Variants in SPARCL1 observed in about 807,000 individuals in gnomAD.
SPARCL1 encodes the protein SPARC like 1.
Under a neutral mutation model 67.1 loss-of-function variants are expected in SPARCL1, and 52 were observed. The ratio of observed to expected loss-of-function variants is 0.78; its 90% CI spans 0.62 to 0.98. The LOEUF (loss-of-function observed/expected upper bound fraction) is 0.98. SPARCL1 is among the 50% of genes least tolerant of loss of function. The pLI is 0.00. For synonymous variants in SPARCL1, 226 were observed against 267.8 expected, an observed-to-expected ratio of 0.84 and a Z score of 1.52; for missense variants, 717 against 782.4, an observed-to-expected ratio of 0.92 and a Z score of 1.00.
intron 1 of SPARCL1, among the ~76,000 whole-genome samples, chr4:87,527,478 A>G (rs78464725): frequency 6.6e-6 from 1 of 152,204 alleles, no homozygotes; most frequent in Admixed American, 6.5e-5. Context: ...GTTTAAGTCA[A>G]CTGAGTAAAA....
At chr4:87,520,816 C>T (rs887958979) in intron 1 of SPARCL1, among the ~76,000 whole-genome samples, 1 of 152,190 alleles carries the variant, frequency 6.6e-6, no homozygotes, top group African/African-American at 2.4e-5. Context: ...AGAGATTGAC[C>T]TGAAAGGTAT....
At chr4:87,511,967 C>CTCTTTTTTTT (rs71667858) in intron 1 of SPARCL1, among the ~76,000 whole-genome samples, 1,321 of 121,440 alleles carry the variant, frequency 0.011, 47 homozygotes, top group African/African-American at 0.04. Context: ...CTTTCTTTCT[C>CTCTTTTTTTT]TTTTTTTTTT....
chr4:87,507,342 C>T (rs1461672163), intron 1 of SPARCL1, among the ~76,000 whole-genome samples: 1 of 152,188 alleles, frequency 6.6e-6, no homozygotes, highest in Non-Finnish European at 1.5e-5. Flanking sequence ...TTTAATCTGT[C>T]CGCATGATCT....
At position 87,503,385 on chromosome 4, in the gene SPARCL1, C is replaced by T. The variant is rs186858513; in HGVS notation, c.-11-3800G>A. 1.1e-3 allele frequency among the ~76,000 whole-genome samples: 163 copies of T among 152,292 alleles called. 1 individual carries two copies. Among genetic ancestry groups the T allele is most frequent in the African/African-American group, 3.8e-3 (159 of 41,564 alleles). ...TAAGCTTTCCCTGTTCTAAGTCAGTCTTCCATCTTCTAAAGATGTGTTGAC... is the reference window on the plus strand; with the variant it reads ...TAAGCTTTCCCTGTTCTAAGTCAGTTTTCCATCTTCTAAAGATGTGTTGAC... On this transcript the variant is annotated intron_variant, in intron 1 of 10. Coordinates refer to ENST00000282470, the MANE Select transcript of SPARCL1 (RefSeq NM_004684.6).
intron 2 of SPARCL1, among the ~76,000 whole-genome samples, chr4:87,498,704 TACTTGCTTGG>T (rs1724722910): frequency 1.3e-5 from 2 of 152,338 alleles, no homozygotes; most frequent in South Asian, 2.1e-4. Context: ...ACTTTCAGCA[TACTTGCTTGG>T]ACAGCCTCCC....
intron 1 of SPARCL1, among the ~76,000 whole-genome samples, chr4:87,510,542 G>A (rs1254192150): frequency 1.3e-5 from 2 of 152,164 alleles, no homozygotes; most frequent in Middle Eastern, 3.2e-3. Context: ...AGAAGCGCCT[G>A]GACATAGGAG....
Position 87,479,468 on chromosome 4 carries a change from G to A in SPARCL1, c.1928C>T (p.Thr643Ile). The A allele has an allele frequency of 6.2e-7, 1 of 1,614,006 alleles. No individual in the cohort carries two copies. The highest frequency in any genetic ancestry group is 8.5e-7 in the Non-Finnish European group (1 of 1,180,002). ...ECDPNKDKHITLKEWGHCFGI... is the reference protein window; with the variant it reads ...ECDPNKDKHIILKEWGHCFGI... ...AAAGCAGTGGCCCCACTCCTTCAGG[G>A]TGATGTGCTTATCCTTGTTGGGGTC... Residue 643 changes from threonine to isoleucine, a missense_variant, in exon 10 of 11, where the codon ACC (threonine) becomes ATC (isoleucine). By Grantham distance (89) the Thr-to-Ile change is moderately conservative (BLOSUM62 -1). Coordinates refer to ENST00000282470, the MANE Select transcript of SPARCL1 (RefSeq NM_004684.6).
At chr4:87,488,810 C>G (rs1045504343) in intron 7 of SPARCL1, among the ~76,000 whole-genome samples, 3 of 152,226 alleles carry the variant, frequency 2.0e-5, no homozygotes, top group Non-Finnish European at 2.9e-5. Flanking sequence ...TCTAGAGAGG[C>G]AGTCTAGCTA....
At position 87,494,557 on chromosome 4, in the gene SPARCL1, A is replaced by G. The variant is rs1211429397; in HGVS notation, c.243T>C (p.His81=). The G allele has an allele frequency of 2.5e-6, 4 of 1,611,768 alleles. No homozygotes were observed. The highest frequency in any genetic ancestry group is 8.5e-7 in the Non-Finnish European group (1 of 1,179,492). ...TCTTGCCCTGTTCTGCTGACTGTTC[A>G]TGGCTTTCCTCTTTTGACTTTAGTA... ...SSVLKSKEES[H]EQSAEQGKSS... Residue 81 remains histidine (H), a synonymous_variant, in exon 4 of 11, where the codon CAT becomes CAC. Coordinates refer to ENST00000282470, the MANE Select transcript of SPARCL1 (RefSeq NM_004684.6).
intron 4 of SPARCL1, among the ~76,000 whole-genome samples, chr4:87,492,627 CAG>C (rs1724396913): frequency 6.6e-6 from 1 of 152,068 alleles, no homozygotes; most frequent in Non-Finnish European, 1.5e-5. Flanking sequence ...GTAGTTAAGC[CAG>C]AGTTACATTG....
chr4:87,480,913 G>A (rs1237275326), intron 8 of SPARCL1, among the ~76,000 whole-genome samples: 1 of 148,898 alleles, frequency 6.7e-6, no homozygotes, highest in African/African-American at 2.5e-5. Context: ...TCCTTCCCCC[G>A]ATGACAGAGT....
At chr4:87,515,468 C>A (rs2110258326) in intron 1 of SPARCL1, among the ~76,000 whole-genome samples, 1 of 152,274 alleles carries the variant, frequency 6.6e-6, no homozygotes, top group East Asian at 1.9e-4. Flanking sequence ...ATAATTCAGA[C>A]ACTTTAATTC....
intron 8 of SPARCL1, 104 bp downstream of exon 8, chr4:87,482,320 G>T (rs1723853871): frequency 8.2e-7 from 1 of 1,221,834 alleles, no homozygotes; most frequent in Middle Eastern, 1.9e-4. Context: ...GGGAAGCATA[G>T]TGGGCTTTTG....
At chr4:87,503,702 A>C (rs1462773969) in intron 1 of SPARCL1, among the ~76,000 whole-genome samples, 1 of 143,234 alleles carries the variant, frequency 7.0e-6, no homozygotes, top group Non-Finnish European at 1.5e-5. Flanking sequence ...TTTTTAATAC[A>C]GAGTCTTGCT....
rs184548116 is a variant in SPARCL1, at chr4:87,485,966, A to G, written c.1532-3406T>C. The stretch of plus-strand genomic sequence containing the variant: ...TTGATTCTTCTCTCTTTCCTTCTCT[A>G]TTAGTCTGGCTAGCTGTCTATCTAT... On this transcript the variant is annotated intron_variant, in intron 7 of 10. Transcript: ENST00000282470. 7.3e-5 allele frequency among the ~76,000 whole-genome samples: 11 copies of G among 150,854 alleles called. No individual in the cohort carries two copies. The East Asian group carries it at 2.1e-3, about 29-fold the overall frequency.
At chr4:87,485,521 A>ATT (rs59992879) in intron 7 of SPARCL1, among the ~76,000 whole-genome samples, 4 of 143,738 alleles carry the variant, frequency 2.8e-5, no homozygotes, top group Non-Finnish European at 4.6e-5. Context: ...ATTGGCCTGA[A>ATT]TTTTTTTTTT....
rs1442736697 is a variant in SPARCL1 at position 87,474,106 on chromosome 4, G to A, written c.1967-303C>T. On this transcript the variant is annotated intron_variant, in intron 10 of 10. Transcript: ENST00000282470. ...ACTGATAGAGGAAGAGCAGGTTAACGGGAGGTCCAGCCAAGAAGTGCCCAG... is the reference window on the plus strand; with the variant it reads ...ACTGATAGAGGAAGAGCAGGTTAACAGGAGGTCCAGCCAAGAAGTGCCCAG... Among the ~76,000 whole-genome samples the A allele has an allele frequency of 2.0e-5, 3 of 152,276 alleles. No individual in the cohort carries two copies. The East Asian group carries it at 5.8e-4, about 29-fold the overall frequency.
rs57597004 is a variant in SPARCL1, at chr4:87,486,888, C to CTTTTTTTTTTTTTTTTTTTTTTT, written c.1531+3362_1531+3384dup. On this transcript the variant is annotated intron_variant, in intron 7 of 10. Coordinates refer to ENST00000282470, the MANE Select transcript of SPARCL1 (RefSeq NM_004684.6). ...TCTGAGGCTAGTATTGCAATTCCTG[C>CTTTTTTTTTTTTTTTTTTTTTTT]TTTTTTTTTTTTTTTTTTTTTTTTT... Among the ~76,000 whole-genome samples the CTTTTTTTTTTTTTTTTTTTTTTT allele has an allele frequency of 3.2e-4, 9 of 28,000 alleles. 2 individuals are homozygous for CTTTTTTTTTTTTTTTTTTTTTTT. The highest frequency in any genetic ancestry group is 4.9e-4 in the Non-Finnish European group (7 of 14,154). The allele number at this position is 28,000 out of a possible 152,430, so 18.4% of individuals were successfully genotyped here. A position where few individuals can be genotyped will look rare whatever the true frequency, so the allele number is the denominator to read the frequency against.
chr4:87,491,427 A>T (rs1724320494), intron 5 of SPARCL1, among the ~76,000 whole-genome samples, 191 bp downstream of exon 5: 1 of 152,224 alleles, frequency 6.6e-6, no homozygotes, highest in Admixed American at 6.5e-5. Context: ...TTGCAAACAC[A>T]TTTACCCATT....
Sources: allele counts gnomAD v4.1 joint callset (sites outside exome capture counted in the v4.1 genomes callset), GRCh38; gene constraint gnomAD v4.1.1; transcripts MANE v1.5; gene names NCBI Gene and HGNC (gene_info 2026-07-23, HGNC 2026-07-21).